Variants in NCAM2 observed in about 807,000 individuals in gnomAD.
NCAM2 encodes N-CAM-2.
A neutral mutation model predicts 98.1 loss-of-function variants in NCAM2; 30 were observed. The ratio of observed to expected loss-of-function variants is 0.31; its 90% CI spans 0.23 to 0.41. The LOEUF (loss-of-function observed/expected upper bound fraction) is 0.41. NCAM2 is among the 10% of genes least tolerant of loss of function. The probability of loss-of-function intolerance (pLI) is 1.00; values close to 1 mark genes in which losing one functional copy is unlikely to be tolerated. For synonymous variants in NCAM2, 368 were observed against 342.4 expected (o/e 1.07, Z -0.83); for missense variants, 867 against 1,005.8 (o/e 0.86, Z 1.87).
chr21:21,036,745 G>A (rs1399579809), intron 1 of NCAM2, among the ~76,000 whole-genome samples: 2 of 151,974 alleles, frequency 1.3e-5, no homozygotes, highest in Non-Finnish European at 2.9e-5. Context: ...AGAGAAGGAA[G>A]CAAATCACAT....
chr21:21,214,784 C>CT (rs2069822784), intron 1 of NCAM2, among the ~76,000 whole-genome samples: 1 of 128,760 alleles, frequency 7.8e-6, no homozygotes, highest in Non-Finnish European at 1.6e-5. Flanking sequence ...TATATATACA[C>CT]ATATATATAC....
intron 1 of NCAM2, among the ~76,000 whole-genome samples, chr21:21,073,331 G>A (rs574799758): frequency 1.3e-3 from 205 of 152,132 alleles, no homozygotes; most frequent in African/African-American, 4.7e-3. Flanking sequence ...TGGTAATTAA[G>A]TTTTATAGTT....
chr21:21,264,944 TA>T (rs1160063754), intron 1 of NCAM2, among the ~76,000 whole-genome samples: 1 of 13,308 alleles, frequency 7.5e-5, no homozygotes, highest in African/African-American at 2.2e-4. Flanking sequence ...TATGTGTGTG[TA>T]TATATATGTG....
At chr21:21,515,016 T>A (rs1988630802) in intron 16 of NCAM2, among the ~76,000 whole-genome samples, 2 of 152,288 alleles carry the variant, frequency 1.3e-5, no homozygotes, top group South Asian at 4.1e-4. Context: ...TATTTATCCA[T>A]AAAAAAATTT....
At chr21:21,343,525 C>T (rs947983364) in intron 8 of NCAM2, among the ~76,000 whole-genome samples, 5 of 152,152 alleles carry the variant, frequency 3.3e-5, no homozygotes, top group Admixed American at 2.0e-4. Flanking sequence ...CCTCCACCAC[C>T]CTCAGCAGCC....
intron 1 of NCAM2, among the ~76,000 whole-genome samples, chr21:21,149,777 G>C (rs1182137473): frequency 1.3e-5 from 2 of 152,144 alleles, no homozygotes; most frequent in African/African-American, 4.8e-5. Context: ...GTATTACATG[G>C]TGTATATGTG....
intron 8 of NCAM2, among the ~76,000 whole-genome samples, chr21:21,360,462 T>C (rs1164432166): frequency 1.3e-5 from 2 of 151,996 alleles, no homozygotes; most frequent in African/African-American, 4.8e-5. Flanking sequence ...TCTTTCTTTC[T>C]CAGAAGTTAC....
chr21:21,407,591 G>A (rs960949105), intron 9 of NCAM2, among the ~76,000 whole-genome samples: 3 of 152,064 alleles, frequency 2.0e-5, no homozygotes, highest in Non-Finnish European at 4.4e-5. Flanking sequence ...CCATTAGGAT[G>A]TATGAATTTC....
At chr21:21,105,255 G>A (rs983466292) in intron 1 of NCAM2, among the ~76,000 whole-genome samples, 1 of 152,110 alleles carries the variant, frequency 6.6e-6, no homozygotes, top group African/African-American at 2.4e-5. Flanking sequence ...TTTGAATGCT[G>A]TTTAAATTAA....
At chr21:21,284,727 A>G (rs2073045045) in intron 3 of NCAM2, among the ~76,000 whole-genome samples, 1 of 151,558 alleles carries the variant, frequency 6.6e-6, no homozygotes, top group African/African-American at 2.4e-5. Context: ...TTTTCACTGT[A>G]AAATAGAAGG....
intron 1 of NCAM2, among the ~76,000 whole-genome samples, chr21:21,116,018 TG>T (rs1555886420): frequency 2.4e-4 from 1 of 4,100 alleles, no homozygotes; most frequent in Non-Finnish European, 6.4e-4. Context: ...GCTGAGATTG[TG>T]TGTGTGTGTG....
intron 1 of NCAM2, among the ~76,000 whole-genome samples, chr21:21,068,944 T>G (rs79890036): frequency 0.037 from 5,639 of 152,238 alleles, 327 homozygotes; most frequent in African/African-American, 0.13. Flanking sequence ...CTGTCATATT[T>G]CCATGGCCAA....
intron 1 of NCAM2, among the ~76,000 whole-genome samples, chr21:21,123,463 A>G (rs1482655996): frequency 1.3e-5 from 2 of 152,028 alleles, no homozygotes; most frequent in African/African-American, 4.8e-5. Flanking sequence ...AATTATGTCT[A>G]CAATTGTCGT....
Position 21,474,836 on chromosome 21 carries a change from A to G in NCAM2, c.1897-2455A>G, listed in dbSNP as rs371711206. Among the ~76,000 whole-genome samples, 4 of 151,916 alleles carry G rather than the reference A, an allele frequency of 2.6e-5. No homozygotes were observed. In the East Asian group the frequency reaches 7.7e-4, roughly 29 times the overall value. Reference sequence around the variant, plus strand: ...ATACATGCTACATGTATATATGTGCATATTCATACTGAATATGCTATACAT... The same window carrying G: ...ATACATGCTACATGTATATATGTGCGTATTCATACTGAATATGCTATACAT... On this transcript the variant is annotated intron_variant, in intron 14 of 17. Transcript: ENST00000400546.
At chr21:21,015,403 A>T (rs1293330140) in intron 1 of NCAM2, among the ~76,000 whole-genome samples, 1 of 152,190 alleles carries the variant, frequency 6.6e-6, no homozygotes, top group Non-Finnish European at 1.5e-5. Context: ...CCTGATCAGG[A>T]AGTAACCATT....
intron 12 of NCAM2, among the ~76,000 whole-genome samples, chr21:21,452,610 ATAG>A (rs1216245550): frequency 8.5e-6 from 1 of 117,362 alleles, no homozygotes; most frequent in African/African-American, 3.3e-5. Flanking sequence ...AATTGTATAT[ATAG>A]TATAATATAT....
At chr21:21,160,898 T>C (rs1359763881) in intron 1 of NCAM2, among the ~76,000 whole-genome samples, 2 of 152,030 alleles carry the variant, frequency 1.3e-5, no homozygotes, top group African/African-American at 4.8e-5. Context: ...TATATTATAT[T>C]TGAATGAGCC....
chr21:21,418,825 A>T (rs2077047320), intron 11 of NCAM2, among the ~76,000 whole-genome samples: 1 of 152,192 alleles, frequency 6.6e-6, no homozygotes. Flanking sequence ...CGGTAGGGCT[A>T]TAATAGTTCA....
chr21:21,532,836 C>T (rs1327202487), intron 16 of NCAM2, among the ~76,000 whole-genome samples: 3 of 152,134 alleles, frequency 2.0e-5, no homozygotes, highest in Non-Finnish European at 4.4e-5. Context: ...CTTCATCCAT[C>T]TTTACTTACT....
Sources: allele counts gnomAD v4.1 joint callset (sites outside exome capture counted in the v4.1 genomes callset), GRCh38; gene constraint gnomAD v4.1.1; transcripts MANE v1.5; gene names NCBI Gene and HGNC (gene_info 2026-07-23, HGNC 2026-07-21).